TGS1: variants seen among roughly 807,000 people sequenced by gnomAD.
TGS1 encodes the protein trimethylguanosine synthase 1.
In TGS1, 69 loss-of-function variants were observed where a neutral mutation model predicts 92.2. The observed-to-expected ratio is 0.75, with a 90% CI of 0.62 to 0.91. TGS1 has a LOEUF of 0.91. Ranked by LOEUF, TGS1 falls within the 40% of genes least tolerant of loss-of-function variation. TGS1 has a pLI of 0.00. For synonymous variants in TGS1, 345 were observed against 338.1 expected, an observed-to-expected ratio of 1.02 and a Z score of -0.22; for missense variants, 1,062 against 1,001.2, an observed-to-expected ratio of 1.06 and a Z score of -0.82.
intron 4 of TGS1, among the ~76,000 whole-genome samples, 164 bp downstream of exon 4, chr8:55,787,224 T>C (rs1015534411): frequency 6.6e-5 from 10 of 152,088 alleles, no homozygotes; most frequent in Admixed American, 2.6e-4. Context: ...CAAGTTATCC[T>C]TTTCTATTAA....
intron 12 of TGS1, among the ~76,000 whole-genome samples, chr8:55,822,207 C>G (rs1395740288): frequency 2.0e-5 from 3 of 151,740 alleles, no homozygotes; most frequent in Non-Finnish European, 4.4e-5. Context: ...ATAGCTGGGA[C>G]TACAGGCGCC....
rs895486108 is a variant in TGS1, at chr8:55,787,072, C to T, written c.1162+12C>T. On this transcript the variant is annotated intron_variant, in intron 4 of 12. Transcript: ENST00000260129. ...CCCACCAGCTGAGGGTAAGATTAAC[C>T]AAGATTTATTCTGCCATGTAATGGT... 2 of 1,583,458 alleles carry T rather than the reference C, an allele frequency of 1.3e-6. No individual in the cohort carries two copies. The highest frequency in any genetic ancestry group is 4.5e-5 in the East Asian group (2 of 44,702).
chr8:55,792,032 A>G (rs2130152817), intron 5 of TGS1, among the ~76,000 whole-genome samples: 1 of 152,312 alleles, frequency 6.6e-6, no homozygotes, highest in East Asian at 1.9e-4. Context: ...CTACCTCTGT[A>G]TGGTAGACAT....
chr8:55,817,322 A>G (rs74464035), intron 12 of TGS1, among the ~76,000 whole-genome samples: 231 of 152,328 alleles, frequency 1.5e-3, no homozygotes, highest in African/African-American at 5.4e-3. Flanking sequence ...GTCGATAGGA[A>G]TGAGGTACTT....
chr8:55,786,746 A>G lies in TGS1; in HGVS notation c.848A>G (p.Asn283Ser). The part of the protein sequence containing the change: ...YTSKTEADDK[N>S]DEKCMKVDLV... ...TCTAAAACAGAAGCTGATGACAAGA[A>G]CGATGAAAAATGCATGAAAGTTGAC... is the stretch of plus-strand genomic sequence containing the variant. The change falls in exon 4 of 13, where the codon AAC becomes AGC. Residue 283 changes from asparagine (N) to serine (S), a missense_variant. Asn to Ser is a conservative substitution (Grantham distance 46, BLOSUM62 1). Transcript: ENST00000260129. 1 of 1,614,168 alleles carries G rather than the reference A, an allele frequency of 6.2e-7. No homozygotes were observed. The highest frequency in any genetic ancestry group is 8.5e-7 in the Non-Finnish European group (1 of 1,180,032).
intron 2 of TGS1, among the ~76,000 whole-genome samples, chr8:55,784,441 C>G (rs1811653325): frequency 6.6e-6 from 1 of 152,040 alleles, no homozygotes; most frequent in African/African-American, 2.4e-5. Flanking sequence ...CTCAGCCTCC[C>G]AAGTAGCAGG....
intron 2 of TGS1, among the ~76,000 whole-genome samples, chr8:55,784,845 C>T (rs377478092): frequency 3.9e-5 from 6 of 152,248 alleles, no homozygotes; most frequent in East Asian, 1.9e-4. Flanking sequence ...GTATTTTCTC[C>T]ACGTACCAGG....
At chr8:55,802,669 A>T (rs540691783) in intron 9 of TGS1, 63 bp downstream of exon 9, 2 of 1,471,106 alleles carry the variant, frequency 1.4e-6, no homozygotes, top group Non-Finnish European at 1.8e-6. Context: ...AAAGAAAGTT[A>T]TAAGAATAAT....
rs1187329114 is a variant in TGS1, at chr8:55,773,707, G to A, written c.89G>A (p.Arg30Lys). Residue 30 changes from arginine (R) to lysine (K), a missense_variant, in exon 1 of 13, where the codon AGG (arginine) becomes AAG (lysine). Coordinates refer to ENST00000260129, the MANE Select transcript of TGS1 (RefSeq NM_024831.8). Reference protein sequence around the residue: ...EDCKILCLCSRAFVEDRKLYN... With the variant: ...EDCKILCLCSKAFVEDRKLYN... ...TGTAAGATACTGTGCCTTTGCTCCA[G>A]GGCATTTGTGGAGTAAGTAGAAAAG... The A allele has an allele frequency of 6.2e-7, 1 of 1,609,184 alleles. No homozygotes were observed. Among genetic ancestry groups the A allele is most frequent in the Admixed American group, 1.7e-5 (1 of 59,462 alleles).
At chr8:55,799,957 A>T (rs1812177097) in intron 8 of TGS1, among the ~76,000 whole-genome samples, 1 of 152,132 alleles carries the variant, frequency 6.6e-6, no homozygotes, top group East Asian at 1.9e-4. Context: ...GTTAATATAA[A>T]AAGTATTCAG....
chr8:55,815,432 C>T (rs550281280), intron 12 of TGS1, among the ~76,000 whole-genome samples: 41 of 152,070 alleles, frequency 2.7e-4, no homozygotes, highest in Non-Finnish European at 5.0e-4. Context: ...GGAGACAGTA[C>T]TAAAAATTGA....
intron 1 of TGS1, among the ~76,000 whole-genome samples, chr8:55,778,952 G>A (rs1316460416): frequency 6.6e-6 from 1 of 152,194 alleles, no homozygotes; most frequent in African/African-American, 2.4e-5. Context: ...AAGAATTCAG[G>A]TGGCTGCTTA....
At chr8:55,793,778 T>TTTA (rs1279479060) in intron 6 of TGS1, among the ~76,000 whole-genome samples, 2 of 145,904 alleles carry the variant, frequency 1.4e-5, no homozygotes, top group East Asian at 2.1e-4. Context: ...TTATTTATTT[T>TTTA]TTAATTTTTT....
chr8:55,819,309 T>G (rs1803568986), intron 12 of TGS1, among the ~76,000 whole-genome samples: 1 of 143,262 alleles, frequency 7.0e-6, no homozygotes, highest in Non-Finnish European at 1.5e-5. Flanking sequence ...TTTTTTTTTT[T>G]TTTTGAGATG....
chr8:55,812,964 A>T lies in TGS1; in HGVS notation c.2361-76A>T, dbSNP rs1302287210. On this transcript the variant is annotated intron_variant, in intron 11 of 12. Transcript: ENST00000260129. ...TTACATTTTGAAATACATTTGAGTT[A>T]TGATAAGTAAAACACATCTCTTTCT... 4 of 1,082,876 alleles carry T rather than the reference A, an allele frequency of 3.7e-6. No individual in the cohort carries two copies. In the East Asian group the frequency reaches 9.6e-5, roughly 26 times the overall value. 67.1% of individuals were successfully genotyped at this position (1,082,876 alleles called of 1,614,324 possible).
chr8:55,807,334 G>A (rs568465197), intron 10 of TGS1, among the ~76,000 whole-genome samples: 7 of 152,020 alleles, frequency 4.6e-5, no homozygotes, highest in African/African-American at 1.2e-4. Flanking sequence ...TTACCTCATC[G>A]TCATATAATA....
intron 10 of TGS1, among the ~76,000 whole-genome samples, chr8:55,808,544 T>C (rs1286232084): frequency 8.6e-5 from 13 of 150,630 alleles, no homozygotes; most frequent in African/African-American, 3.2e-4. Context: ...AGTCTCACTC[T>C]GTCGCCCAGG....
Position 55,822,194 on chromosome 8 carries a change from C to T in TGS1, c.2440-2387C>T, listed in dbSNP as rs951827877. On this transcript the variant is annotated intron_variant, in intron 12 of 12. Transcript: ENST00000260129. ...ACGCCATTCTCCTGCCTCAGCCTCC[C>T]GAATAGCTGGGACTACAGGCGCCCG... 4.0e-5 allele frequency among the ~76,000 whole-genome samples: 6 copies of T among 151,682 alleles called. No homozygotes were observed. The East Asian group carries it at 1.2e-3, about 30-fold the overall frequency.
At chr8:55,804,648 G>C (rs182822723) in intron 9 of TGS1, among the ~76,000 whole-genome samples, 28 of 152,268 alleles carry the variant, frequency 1.8e-4, no homozygotes, top group African/African-American at 6.5e-4. Context: ...AAAGATGGAG[G>C]TATACAGTAT....
Sources: allele counts gnomAD v4.1 joint callset (sites outside exome capture counted in the v4.1 genomes callset), GRCh38; gene constraint gnomAD v4.1.1; transcripts MANE v1.5; gene names NCBI Gene and HGNC (gene_info 2026-07-23, HGNC 2026-07-21).